Variants in HLTF observed in about 807,000 individuals in gnomAD.
HLTF encodes helicase like transcription factor.
A neutral mutation model predicts 129.4 loss-of-function variants in HLTF; 127 were observed. The ratio of observed to expected loss-of-function variants is 0.98; its 90% CI spans 0.85 to 1.14. HLTF has a LOEUF of 1.14. Among genes scored for constraint, HLTF ranks in the 50% most tolerant of loss-of-function variants. The pLI is 0.00. For missense variants in HLTF, 1,139 were observed against 1,187.1 expected, an observed-to-expected ratio of 0.96 and a Z score of 0.60; for synonymous variants, 332 against 388.8, an observed-to-expected ratio of 0.85 and a Z score of 1.72.
At chr3:149,040,321 A>C in intron 20 of HLTF, 165 bp from the exon 21 acceptor site, 1 of 575,022 alleles carries the variant, frequency 1.7e-6, no homozygotes, top group Non-Finnish European at 3.0e-6. Context: ...AACATGCTGA[A>C]CTCCAGACAT....
chr3:149,044,678 A>G (rs973501802), intron 18 of HLTF, among the ~76,000 whole-genome samples: 1 of 152,116 alleles, frequency 6.6e-6, no homozygotes, highest in African/African-American at 2.4e-5. Flanking sequence ...CTTAGCTTAA[A>G]AAAATCTCTG....
chr3:149,056,908 G>T (rs1717487092), intron 13 of HLTF, among the ~76,000 whole-genome samples: 1 of 151,624 alleles, frequency 6.6e-6, no homozygotes, highest in Non-Finnish European at 1.5e-5. Flanking sequence ...AGGAGCTCGA[G>T]ACCATCCTGG....
rs966647528 is a variant in HLTF at position 149,031,515 on chromosome 3, T to C, written c.*705A>G. ...GTTTGCCTCTCACTCCCACAGACTATATTTATACCTCAGACACAGCAAGTT... is the reference window on the plus strand; with the variant it reads ...GTTTGCCTCTCACTCCCACAGACTACATTTATACCTCAGACACAGCAAGTT... On this transcript the variant is annotated 3_prime_UTR_variant, in exon 25 of 25. Coordinates refer to ENST00000310053, the MANE Select transcript of HLTF (RefSeq NM_003071.4). The C allele has an allele frequency of 6.6e-6, 1 of 152,642 alleles. No individual in the cohort carries two copies. The highest frequency in any genetic ancestry group is 2.4e-5 in the African/African-American group (1 of 41,464). 9.5% of individuals were successfully genotyped at this position (152,642 alleles called of 1,614,324 possible).
intron 24 of HLTF, 23 bp from the exon 25 acceptor site, chr3:149,032,395 TAAG>T: frequency 7.2e-7 from 1 of 1,385,694 alleles, no homozygotes. Flanking sequence ...AAAAAAAAGT[TAAG>T]TAGTTTTTAA....
In HLTF at chr3:149,039,648, G is replaced by T. The variant is rs1482912928; in HGVS notation, c.2548C>A (p.Pro850Thr). ...HALTDLRKKN[P>T]NIKSLVVSQF... is the part of the protein sequence containing the mutation. ...GAAACAACCAAACTTTTTATGTTGGGATTCTTCTTTCTTAAGTCAGTCAAT... is the reference window on the plus strand; with the variant it reads ...GAAACAACCAAACTTTTTATGTTGGTATTCTTCTTTCTTAAGTCAGTCAAT... The change falls in exon 22 of 25, where the codon CCC becomes ACC. Residue 850 changes from proline to threonine, a missense_variant. By Grantham distance (38) the Pro-to-Thr change is conservative (BLOSUM62 -1). Coordinates refer to ENST00000310053, the MANE Select transcript of HLTF (RefSeq NM_003071.4). 1 of 1,607,632 alleles carries T rather than the reference G, an allele frequency of 6.2e-7. No homozygotes were observed.
At chr3:149,050,019 A>G (rs1716852685) in intron 15 of HLTF, among the ~76,000 whole-genome samples, 1 of 152,036 alleles carries the variant, frequency 6.6e-6, no homozygotes, top group Non-Finnish European at 1.5e-5. Context: ...AGGAGTGGAG[A>G]AAAGAAAAAT....
In HLTF at chr3:149,075,760, A is replaced by G. The variant is rs1258407235; in HGVS notation, c.395+121T>C. 7.3e-6 allele frequency: 4 copies of G among 545,626 alleles called. No individual in the cohort carries two copies. In the South Asian group the frequency reaches 1.1e-4, roughly 16 times the overall value. 33.8% of individuals were successfully genotyped at this position (545,626 alleles called of 1,614,324 possible). On this transcript the variant is annotated intron_variant, in intron 3 of 24. Transcript: ENST00000310053. ...GAAATAAAACATTTATTTAACACGT[A>G]CCAAAAGTACAGTGATAGAAATTGT...
intron 10 of HLTF, among the ~76,000 whole-genome samples, chr3:149,062,026 G>A: frequency 6.6e-6 from 1 of 152,234 alleles, no homozygotes; most frequent in South Asian, 2.1e-4. Flanking sequence ...AAGTCAGACT[G>A]CCTAGCTTTA....
intron 7 of HLTF, among the ~76,000 whole-genome samples, chr3:149,069,804 A>C (rs1269553231): frequency 6.6e-6 from 1 of 152,250 alleles, no homozygotes; most frequent in African/African-American, 2.4e-5. Context: ...TGAGCTTGTC[A>C]ATGATAAAAT....
intron 12 of HLTF, 121 bp from the exon 13 acceptor site, chr3:149,059,928 T>C: frequency 1.6e-6 from 1 of 638,584 alleles, no homozygotes; most frequent in Admixed American, 3.6e-5. Context: ...GAGCTTATAT[T>C]ATTAAGTTAA....
chr3:149,046,882 C>G (rs902273369), intron 17 of HLTF, among the ~76,000 whole-genome samples: 5 of 152,012 alleles, frequency 3.3e-5, no homozygotes, highest in African/African-American at 1.2e-4. Flanking sequence ...AATATAAATA[C>G]AATTTCCTGG....
At chr3:149,073,876 C>G (rs997622471) in intron 4 of HLTF, among the ~76,000 whole-genome samples, 4 of 152,024 alleles carry the variant, frequency 2.6e-5, no homozygotes, top group Non-Finnish European at 5.9e-5. Context: ...TTATTTTTGC[C>G]TAAAATTTAT....
At chr3:149,076,457 T>C (rs1045702567) in intron 2 of HLTF, among the ~76,000 whole-genome samples, 6 of 152,322 alleles carry the variant, frequency 3.9e-5, no homozygotes, top group Middle Eastern at 3.4e-3. Flanking sequence ...ACTATCATTA[T>C]TCCCATTTTA....
chr3:149,062,706 A>C (rs1039776656), intron 10 of HLTF, among the ~76,000 whole-genome samples: 1 of 152,208 alleles, frequency 6.6e-6, no homozygotes, highest in Non-Finnish European at 1.5e-5. Context: ...TTTCCACTAC[A>C]TGTGAAGAAC....
chr3:149,075,912 T>TA lies in HLTF; in HGVS notation c.363dup (p.Ile122TyrfsTer10). 2 of 1,608,294 alleles carry TA rather than the reference T, an allele frequency of 1.2e-6. No individual in the cohort carries two copies. The highest frequency in any genetic ancestry group is 1.7e-6 in the Non-Finnish European group (2 of 1,176,960). ...ATTTGTGCCAATTTGTTGTCCATGATATAGGCCAAAGCACCTGCAAGCTCT... is the reference window on the plus strand; with the variant it reads ...ATTTGTGCCAATTTGTTGTCCATGATAATAGGCCAAAGCACCTGCAAGCTCT... On this transcript the variant is annotated frameshift_variant, in exon 3 of 25. Transcript: ENST00000310053. LOFTEE classifies it high-confidence loss of function.
At chr3:149,033,416 GTTCAA>G (rs1323923568) in intron 24 of HLTF, among the ~76,000 whole-genome samples, 1 of 151,992 alleles carries the variant, frequency 6.6e-6, no homozygotes, top group East Asian at 1.9e-4. Context: ...AAAATCTAAA[GTTCAA>G]TTCAAGAGCA....
At chr3:149,075,819 T>C in intron 3 of HLTF, 62 bp downstream of exon 3, 1 of 1,171,644 alleles carries the variant, frequency 8.5e-7, no homozygotes, top group Non-Finnish European at 1.2e-6. Flanking sequence ...CAAGAAGCCC[T>C]AACAAGTTCA....
chr3:149,081,441 A>G (rs954791037), intron 2 of HLTF, among the ~76,000 whole-genome samples: 2 of 152,100 alleles, frequency 1.3e-5, no homozygotes, highest in African/African-American at 4.8e-5. Context: ...CAAGTCCAAC[A>G]GAAATGAAAA....
At chr3:149,079,373 T>TAAAAAAAAAAAAAAAAAAAAAA (rs71135659) in intron 2 of HLTF, among the ~76,000 whole-genome samples, 3 of 57,230 alleles carry the variant, frequency 5.2e-5, no homozygotes, top group African/African-American at 1.9e-4. Context: ...CGACAGTTTC[T>TAAAAAAAAAAAAAAAAAAAAAA]AAAAAAAAAA....
Sources: allele counts gnomAD v4.1 joint callset (sites outside exome capture counted in the v4.1 genomes callset), GRCh38; gene constraint gnomAD v4.1.1; transcripts MANE v1.5; gene names NCBI Gene and HGNC (gene_info 2026-07-23, HGNC 2026-07-21).